The following CTNND2 variants were observed in gnomAD, a reference collection of about 807,000 sequenced individuals.
CTNND2 encodes the protein catenin delta-2.
In CTNND2, 22 loss-of-function variants were observed where a neutral mutation model predicts 144.4. The observed-to-expected ratio is 0.15, with a 90% CI of 0.11 to 0.22. CTNND2 has a LOEUF of 0.22. Among genes scored for constraint, CTNND2 ranks in the 10% least tolerant of loss-of-function variants. The probability of loss-of-function intolerance (pLI) is 1.00; values close to 1 mark genes in which losing one functional copy is unlikely to be tolerated. For missense variants in CTNND2, 1,353 were observed against 1,618.8 expected, an observed-to-expected ratio of 0.84 and a Z score of 2.82; for synonymous variants, 751 against 695.6, an observed-to-expected ratio of 1.08 and a Z score of -1.25.
intron 3 of CTNND2, among the ~76,000 whole-genome samples, chr5:11,448,191 C>T (rs1199638177): frequency 2.6e-5 from 4 of 152,018 alleles, no homozygotes; most frequent in South Asian, 4.1e-4. Context: ...TTATACCAAA[C>T]GATTTACACA....
chr5:11,820,885 A>G (rs1342844163), intron 1 of CTNND2, among the ~76,000 whole-genome samples: 1 of 152,224 alleles, frequency 6.6e-6, no homozygotes, highest in Non-Finnish European at 1.5e-5. Flanking sequence ...GTCTGTTACT[A>G]CTAGGATTAT....
chr5:11,735,682 A>T (rs1787642874), intron 1 of CTNND2, among the ~76,000 whole-genome samples: 2 of 152,096 alleles, frequency 1.3e-5, no homozygotes, highest in Admixed American at 6.5e-5. Context: ...GTCTAATGAG[A>T]TCTGATGGTT....
Position 10,973,484 on chromosome 5 carries a change from T to C in CTNND2, c.3647A>G (p.His1216Arg). 6.3e-7 allele frequency: 1 copy of C among 1,598,650 alleles called. No individual in the cohort carries two copies. The highest frequency in any genetic ancestry group is 1.7e-4 in the Middle Eastern group (1 of 6,006). ...CCAGGAGTCGGGGGAGGCCGGGTAG[T>C]GGCTCGTTTCATAGTTCAGTTCACT... ...PYSELNYETS[H>R]YPASPDSWV The change falls in exon 22 of 22, where the codon CAC (histidine) becomes CGC (arginine). Residue 1216 changes from histidine (H) to arginine (R), a missense_variant. Physicochemically the swap from His to Arg is conservative, Grantham distance 29. Transcript: ENST00000304623. This position sits in a 1 kb window ranked among gnomAD's most constrained non-coding sequence, Gnocchi z 5.6.
rs2126721092 is a variant in CTNND2, at chr5:11,722,836, G to C, written c.174+9300C>G. Among the ~76,000 whole-genome samples the C allele has an allele frequency of 2.6e-5, 4 of 152,148 alleles. No individual in the cohort carries two copies. The East Asian group carries it at 7.7e-4, about 29-fold the overall frequency. ...ACAATTTGAGATGACATTTCGGTGA[G>C]GACACAGCCAAACCATATCAAACAC... On this transcript the variant is annotated intron_variant, in intron 2 of 21. Coordinates refer to ENST00000304623, the MANE Select transcript of CTNND2 (RefSeq NM_001332.4).
chr5:11,043,081 G>A (rs1744851923), intron 16 of CTNND2, among the ~76,000 whole-genome samples: 2 of 147,018 alleles, frequency 1.4e-5, no homozygotes, highest in African/African-American at 2.4e-5. Flanking sequence ...ATCTAGGTCA[G>A]AGCTTATTTT....
intron 2 of CTNND2, among the ~76,000 whole-genome samples, chr5:11,639,058 C>T (rs901070877): frequency 1.6e-4 from 24 of 151,964 alleles, no homozygotes; most frequent in African/African-American, 5.8e-4. Flanking sequence ...TTGGTAGTCT[C>T]CAAAAGGGGG....
At chr5:11,173,240 G>A (rs1760116239) in intron 11 of CTNND2, among the ~76,000 whole-genome samples, 1 of 152,240 alleles carries the variant, frequency 6.6e-6, no homozygotes, top group Non-Finnish European at 1.5e-5. Context: ...GAGGGCAGGA[G>A]GAGAGAGAGC....
intron 16 of CTNND2, among the ~76,000 whole-genome samples, chr5:11,026,722 C>T (rs1332728908): frequency 6.6e-6 from 1 of 152,084 alleles, no homozygotes; most frequent in Non-Finnish European, 1.5e-5. Flanking sequence ...TAGAGTGATT[C>T]ATTCATTTGG....
chr5:11,645,410 A>G (rs1782294846), intron 2 of CTNND2, among the ~76,000 whole-genome samples: 1 of 152,214 alleles, frequency 6.6e-6, no homozygotes, highest in African/African-American at 2.4e-5. Context: ...TCACAACACT[A>G]TTTTTAAAAA....
At chr5:11,472,968 G>C (rs545492089) in intron 3 of CTNND2, among the ~76,000 whole-genome samples, 25 of 152,268 alleles carry the variant, frequency 1.6e-4, no homozygotes, top group African/African-American at 6.0e-4. Context: ...TAGTTCAGGA[G>C]TCTGAGGCAA....
chr5:11,673,760 C>T (rs189295518), intron 2 of CTNND2, among the ~76,000 whole-genome samples: 40 of 152,166 alleles, frequency 2.6e-4, no homozygotes, highest in Admixed American at 6.5e-4. Flanking sequence ...ACATTTATAA[C>T]TTCAGATAAA....
At chr5:11,707,915 T>A (rs1357277484) in intron 2 of CTNND2, among the ~76,000 whole-genome samples, 5 of 152,226 alleles carry the variant, frequency 3.3e-5, no homozygotes, top group Admixed American at 3.3e-4. Context: ...AGAGACAAAG[T>A]TAAATATTTC....
At chr5:11,048,800 GAC>G (rs1030232080) in intron 16 of CTNND2, among the ~76,000 whole-genome samples, 19 of 152,232 alleles carry the variant, frequency 1.2e-4, no homozygotes, top group African/African-American at 4.3e-4. Flanking sequence ...TTTGGAGAAA[GAC>G]AGAATTTGCC....
At chr5:11,340,244 C>T (rs1754110184) in intron 9 of CTNND2, among the ~76,000 whole-genome samples, 1 of 152,348 alleles carries the variant, frequency 6.6e-6, no homozygotes, top group South Asian at 2.1e-4. Flanking sequence ...GTCACATCTG[C>T]CTTATTTCCC....
intron 16 of CTNND2, among the ~76,000 whole-genome samples, chr5:11,078,753 C>T (rs1749216027): frequency 6.6e-6 from 1 of 152,130 alleles, no homozygotes; most frequent in Admixed American, 6.5e-5. Context: ...CAGTGCTGTC[C>T]TGTCTGAAAC....
intron 5 of CTNND2, among the ~76,000 whole-genome samples, chr5:11,404,599 A>ATTTTTTTTTT (rs1405789135): frequency 9.1e-5 from 3 of 32,838 alleles, no homozygotes; most frequent in Non-Finnish European, 2.9e-4. Context: ...CAGTATCTGT[A>ATTTTTTTTTT]TTCTTTTTTT....
At chr5:11,831,382 A>C (rs1275920782) in intron 1 of CTNND2, among the ~76,000 whole-genome samples, 3 of 152,132 alleles carry the variant, frequency 2.0e-5, no homozygotes, top group Admixed American at 1.3e-4. Context: ...GGAGGAAAAA[A>C]GAGTTGCCAG....
At chr5:11,411,459 C>G (rs2149837591) in intron 5 of CTNND2, 77 bp downstream of exon 5, 1 of 763,346 alleles carries the variant, frequency 1.3e-6, no homozygotes, top group South Asian at 1.6e-5. Flanking sequence ...TGGCTCATAA[C>G]AGTAATGATA....
intron 2 of CTNND2, among the ~76,000 whole-genome samples, chr5:11,725,980 A>AC (rs1393183797): frequency 6.6e-6 from 1 of 152,210 alleles, no homozygotes; most frequent in Non-Finnish European, 1.5e-5. Context: ...CAAACCATGC[A>AC]CAGCGCACTG....
Sources: allele counts gnomAD v4.1 joint callset (sites outside exome capture counted in the v4.1 genomes callset), GRCh38; gene constraint gnomAD v4.1.1; non-coding constraint Gnocchi (gnomAD v3.1); transcripts MANE v1.5; gene names NCBI Gene and HGNC (gene_info 2026-07-23, HGNC 2026-07-21).